The following NBAS variants were observed in gnomAD, a reference collection of about 807,000 sequenced individuals.
The protein encoded by NBAS is NAG/BC035112 fusion.
A neutral mutation model predicts 302.5 loss-of-function variants in NBAS; 219 were observed. The observed-to-expected ratio is 0.72, with a 90% confidence interval of 0.65 to 0.81. The LOEUF (loss-of-function observed/expected upper bound fraction) is 0.81. Among genes scored for constraint, NBAS ranks in the 30% least tolerant of loss-of-function variants. The pLI, the probability that NBAS is intolerant of heterozygous loss-of-function variation, is 0.00. For synonymous variants in NBAS, 1,118 were observed against 1,021.6 expected (o/e 1.09, Z -1.80); for missense variants, 2,932 against 2,841.6 (o/e 1.03, Z -0.72).
chr2:15,305,800 CTT>C (rs998944447), intron 40 of NBAS, among the ~76,000 whole-genome samples: 1 of 152,138 alleles, frequency 6.6e-6, no homozygotes, highest in African/African-American at 2.4e-5. Context: ...GCCTTCCAAT[CTT>C]ATGTATTCAG....
At position 15,442,585 on chromosome 2, in the gene NBAS, T is replaced by G. The variant is rs553329783; in HGVS notation, c.2340-14791A>C. 3.4e-4 allele frequency among the ~76,000 whole-genome samples: 51 copies of G among 151,772 alleles called. No homozygotes were observed. The East Asian group carries it at 9.3e-3, about 28-fold the overall frequency. On this transcript the variant is annotated intron_variant, in intron 21 of 51. Transcript: ENST00000281513. ...CAAATTGACACCTTAACATCACAAT[T>G]AAAAGAACTAGAAAAGCAAGAGCAA...
chr2:15,225,903 G>T (rs1667132623), intron 47 of NBAS, among the ~76,000 whole-genome samples: 2 of 152,146 alleles, frequency 1.3e-5, no homozygotes. Flanking sequence ...AAGGCAGAGA[G>T]AAGCATGTCA....
chr2:15,066,972 C>A, the NBAS span, among the ~76,000 whole-genome samples: 77,336 of 151,884 alleles, frequency 0.51, 21,954 homozygotes, highest in Non-Finnish European at 0.63. Flanking sequence ...ATCAACAGAT[C>A]AACCAATAAA....
At chr2:14,794,841 T>TA in the NBAS span, among the ~76,000 whole-genome samples, 1 of 152,226 alleles carries the variant, frequency 6.6e-6, no homozygotes, top group African/African-American at 2.4e-5. Flanking sequence ...AAATTTTAAA[T>TA]AAATGTAATT....
the NBAS span, among the ~76,000 whole-genome samples, chr2:14,965,528 A>T: frequency 6.6e-6 from 1 of 152,228 alleles, no homozygotes; most frequent in Non-Finnish European, 1.5e-5. Context: ...GTGAATTTGC[A>T]GTTAAAACTC....
At chr2:14,898,708 T>C in the NBAS span, among the ~76,000 whole-genome samples, 1 of 152,228 alleles carries the variant, frequency 6.6e-6, no homozygotes, top group South Asian at 2.1e-4. Flanking sequence ...CTTTGCCTGC[T>C]GCCATCCATA....
At chr2:15,023,417 TAGTTA>T in the NBAS span, among the ~76,000 whole-genome samples, 3 of 152,126 alleles carry the variant, frequency 2.0e-5, no homozygotes, top group Admixed American at 2.0e-4. Flanking sequence ...GGGAATTTAA[TAGTTA>T]CATTACGTGA....
chr2:15,017,473 A>C, the NBAS span, among the ~76,000 whole-genome samples: 2 of 152,172 alleles, frequency 1.3e-5, no homozygotes, highest in East Asian at 1.9e-4. Context: ...ACAACAACAA[A>C]AAATTTCAAA....
At chr2:15,283,658 C>T (rs1254182397) in intron 42 of NBAS, among the ~76,000 whole-genome samples, 5 of 152,038 alleles carry the variant, frequency 3.3e-5, no homozygotes, top group African/African-American at 4.8e-5. Flanking sequence ...TTCATAGCAG[C>T]GTGAGAATGG....
intron 38 of NBAS, among the ~76,000 whole-genome samples, chr2:15,315,633 G>T (rs1400999409): frequency 6.6e-6 from 1 of 152,150 alleles, no homozygotes; most frequent in Non-Finnish European, 1.5e-5. Context: ...GCTGCTTCAA[G>T]ACTGGAAAAA....
chr2:15,428,269 A>G (rs145906590), intron 21 of NBAS, among the ~76,000 whole-genome samples: 160 of 152,354 alleles, frequency 1.1e-3, no homozygotes, highest in African/African-American at 3.8e-3. Flanking sequence ...AAATATGGTT[A>G]CTGACATGAG....
chr2:14,987,644 T>G, the NBAS span, among the ~76,000 whole-genome samples: 1 of 152,042 alleles, frequency 6.6e-6, no homozygotes, highest in Non-Finnish European at 1.5e-5. Context: ...GCACTAATAC[T>G]CATAGCTTTA....
At chr2:15,462,294 C>T (rs73200663) in intron 19 of NBAS, among the ~76,000 whole-genome samples, 2,468 of 152,234 alleles carry the variant, frequency 0.016, 77 homozygotes, top group African/African-American at 0.057. Context: ...CTCTAATGTG[C>T]TTAAAATCTA....
At chr2:15,341,169 T>C (rs1213507081) in intron 35 of NBAS, among the ~76,000 whole-genome samples, 5 of 152,152 alleles carry the variant, frequency 3.3e-5, no homozygotes, top group African/African-American at 1.2e-4. Flanking sequence ...GCAGATCACT[T>C]GAGGCCAAGA....
intron 48 of NBAS, among the ~76,000 whole-genome samples, chr2:15,208,365 A>G (rs1223079765): frequency 1.3e-5 from 2 of 152,176 alleles, no homozygotes; most frequent in Non-Finnish European, 2.9e-5. Context: ...GGTCCCTCCC[A>G]CAACATGTGG....
chr2:14,816,409 C>A, the NBAS span, among the ~76,000 whole-genome samples: 1 of 152,198 alleles, frequency 6.6e-6, no homozygotes, highest in African/African-American at 2.4e-5. Flanking sequence ...ACAGTTTCAT[C>A]CCAAATCCAT....
At chr2:15,302,891 TCTTTCTCC>T (rs1451794914) in intron 40 of NBAS, among the ~76,000 whole-genome samples, 5 of 152,194 alleles carry the variant, frequency 3.3e-5, no homozygotes, top group African/African-American at 1.2e-4. Flanking sequence ...CCAGCCTTCA[TCTTTCTCC>T]CATGCTGGAT....
At chr2:15,348,878 C>T (rs536367431) in intron 35 of NBAS, among the ~76,000 whole-genome samples, 40 of 152,160 alleles carry the variant, frequency 2.6e-4, no homozygotes, top group African/African-American at 9.4e-4. Flanking sequence ...CACGTCACAC[C>T]GTAAAGTGCT....
chr2:15,363,467 GAATGA>G (rs1170840482), intron 32 of NBAS, among the ~76,000 whole-genome samples: 1 of 152,130 alleles, frequency 6.6e-6, no homozygotes. Flanking sequence ...AAGGTCTTGT[GAATGA>G]AATGAAGGAC....
Sources: gnomAD v4.1 joint callset for allele counts (sites outside exome capture counted in the v4.1 genomes callset) on GRCh38, gnomAD v4.1.1 for gene constraint, MANE v1.5 for transcripts, NCBI Gene and HGNC (gene_info 2026-07-23, HGNC 2026-07-21) for gene names.